The following QSER1 variants were observed in gnomAD, a reference collection of about 807,000 sequenced individuals.
The protein encoded by QSER1 is glutamine and serine rich 1.
QSER1 carries 49 observed loss-of-function variants against 158.5 expected under a neutral mutation model. The observed-to-expected ratio is 0.31, with a 90% CI of 0.25 to 0.39. The LOEUF (loss-of-function observed/expected upper bound fraction) is 0.39. Among genes scored for constraint, QSER1 ranks in the 10% least tolerant of loss-of-function variants. The pLI is 1.00. For synonymous variants in QSER1, 650 were observed against 715.5 expected, an observed-to-expected ratio of 0.91 and a Z score of 1.46; for missense variants, 1,754 against 2,010.3, an observed-to-expected ratio of 0.87 and a Z score of 2.44.
At chr11:32,962,141 C>T (rs1938027323) in intron 8 of QSER1, among the ~76,000 whole-genome samples, 1 of 152,206 alleles carries the variant, frequency 6.6e-6, no homozygotes, top group African/African-American at 2.4e-5. Context: ...CCTTTGCTAA[C>T]ACTTGTTATT....
intron 8 of QSER1, among the ~76,000 whole-genome samples, chr11:32,960,709 TTA>T (rs1852608347): frequency 6.6e-6 from 1 of 152,246 alleles, no homozygotes; most frequent in Non-Finnish European, 1.5e-5. Flanking sequence ...TTGCTCTCAA[TTA>T]TAGTTTCTTC....
At chr11:32,950,691 C>T (rs1040357387) in intron 4 of QSER1, among the ~76,000 whole-genome samples, 2 of 152,186 alleles carry the variant, frequency 1.3e-5, no homozygotes, top group African/African-American at 4.8e-5. Context: ...CATACCCACA[C>T]CCAGCTATAG....
chr11:32,929,475 G>A (rs1158682068), intron 3 of QSER1, among the ~76,000 whole-genome samples: 1 of 152,152 alleles, frequency 6.6e-6, no homozygotes, highest in Non-Finnish European at 1.5e-5. Context: ...TCCCAGGTTA[G>A]TAGGTAGAAG....
At chr11:32,901,913 G>A (rs552799967) in intron 1 of QSER1, among the ~76,000 whole-genome samples, 92 of 152,186 alleles carry the variant, frequency 6.0e-4, no homozygotes, top group African/African-American at 2.0e-3. Flanking sequence ...GTGAAACCCC[G>A]TCTCCACAAA....
rs1462343162 is a variant in QSER1, at chr11:32,932,936, T to C, written c.1678T>C (p.Ser560Pro). 1 of 1,613,730 alleles carries C rather than the reference T, an allele frequency of 6.2e-7. No individual in the cohort carries two copies. Among genetic ancestry groups the C allele is most frequent in the Non-Finnish European group, 8.5e-7 (1 of 1,179,974 alleles). Residue 560 changes from serine to proline, a missense_variant, in exon 4 of 13, where the codon TCT (serine) becomes CCT (proline). This residue lies in a region of QSER1 where 1,707 missense variants were observed against 1,919.6 expected (regional missense o/e 0.89). Coordinates refer to ENST00000650167, the MANE Select transcript of QSER1 (RefSeq NM_001076786.3). ...SQSQSYSSGH[S>P]QGLSPVSQTQ... ...GTCTCAAAGTTACTCATCTGGTCAC[T>C]CTCAGGGTTTATCACCAGTTAGCCA...
intron 1 of QSER1, among the ~76,000 whole-genome samples, chr11:32,914,536 T>C (rs1215269316): frequency 2.6e-5 from 4 of 152,242 alleles, no homozygotes; most frequent in Admixed American, 2.0e-4. Context: ...AAGTAACTTA[T>C]TACTTGTGTG....
At chr11:32,949,316 G>A (rs1852385756) in intron 4 of QSER1, among the ~76,000 whole-genome samples, 1 of 152,110 alleles carries the variant, frequency 6.6e-6, no homozygotes. Context: ...AGTATTTGTA[G>A]AAGTCAGTGA....
intron 4 of QSER1, among the ~76,000 whole-genome samples, chr11:32,945,477 A>G (rs1852314963): frequency 6.6e-6 from 1 of 151,642 alleles, no homozygotes; most frequent in South Asian, 2.1e-4. Context: ...AAAGTATTTT[A>G]TTTCTCCTTC....
Position 32,957,984 on chromosome 11 carries a change from G to A in QSER1, c.4867G>A (p.Ala1623Thr). 1.9e-6 allele frequency: 3 copies of A among 1,614,026 alleles called. No individual in the cohort carries two copies. Among genetic ancestry groups the A allele is most frequent in the Non-Finnish European group, 2.5e-6 (3 of 1,180,002 alleles). ...KPKVKQPKVK[A>T]EPPPKKRKKW... is the part of the protein sequence containing the mutation. The stretch of plus-strand genomic sequence containing the variant: ...CAAAGTTAAACAGCCAAAAGTAAAG[G>A]CTGAGCCACCACCAAAGAAACGGAA... The change falls in exon 8 of 13, where the codon GCT (alanine) becomes ACT (threonine). Residue 1623 changes from alanine (A) to threonine (T), a missense_variant. Physicochemically the swap from Ala to Thr is moderately conservative, Grantham distance 58. Coordinates refer to ENST00000650167, the MANE Select transcript of QSER1 (RefSeq NM_001076786.3).
intron 4 of QSER1, 22 bp from the exon 5 acceptor site, chr11:32,953,835 C>T: frequency 6.3e-7 from 1 of 1,583,534 alleles, no homozygotes; most frequent in Non-Finnish European, 8.6e-7. Flanking sequence ...TACTGATTTG[C>T]ATTTGCTTGG....
At chr11:32,910,513 C>T (rs982671107) in intron 1 of QSER1, among the ~76,000 whole-genome samples, 14 of 152,092 alleles carry the variant, frequency 9.2e-5, no homozygotes, top group African/African-American at 3.1e-4. Context: ...CACTTGTATG[C>T]GGTTTAATAC....
At position 32,934,763 on chromosome 11, in the gene QSER1, A is replaced by G. The variant is rs1564935621; in HGVS notation, c.3505A>G (p.Arg1169Gly). ...DDSGVSMNPA[R>G]SALALLAMAQ... ...CAGTGGTGTGTCAATGAACCCAGCT[A>G]GGAGTGCACTTGCACTGTTGGCCAT... is the stretch of plus-strand genomic sequence containing the variant. The change falls in exon 4 of 13, where the codon AGG becomes GGG. Residue 1169 changes from arginine to glycine, a missense_variant. Arg to Gly is a moderately radical substitution (Grantham distance 125). Transcript: ENST00000650167. The G allele has an allele frequency of 6.2e-7, 1 of 1,614,060 alleles. No homozygotes were observed. The highest frequency in any genetic ancestry group is 2.2e-5 in the East Asian group (1 of 44,890).
intron 4 of QSER1, among the ~76,000 whole-genome samples, chr11:32,943,124 A>C (rs1013730947): frequency 3.3e-5 from 5 of 151,982 alleles, no homozygotes; most frequent in African/African-American, 7.3e-5. Context: ...CAGCTTAAGG[A>C]GATTTTGGGC....
chr11:32,932,942 G>T lies in QSER1; in HGVS notation c.1684G>T (p.Gly562Cys). The change falls in exon 4 of 13, where the codon GGT becomes TGT. Residue 562 changes from glycine (G) to cysteine (C), a missense_variant. Around this residue, in one of 2 missense-constraint regions of QSER1, gnomAD observed 1,707 missense variants for 1,919.6 expected, o/e 0.89. Coordinates refer to ENST00000650167, the MANE Select transcript of QSER1 (RefSeq NM_001076786.3). ...SQSYSSGHSQGLSPVSQTQVS... is the reference protein window; with the variant it reads ...SQSYSSGHSQCLSPVSQTQVS... ...AAGTTACTCATCTGGTCACTCTCAG[G>T]GTTTATCACCAGTTAGCCAGACACA... 1 of 1,613,528 alleles carries T rather than the reference G, an allele frequency of 6.2e-7. No homozygotes were observed. The highest frequency in any genetic ancestry group is 2.2e-5 in the East Asian group (1 of 44,882).
rs755872610 is a variant in QSER1, at chr11:32,933,204, A to T, written c.1946A>T (p.Gln649Leu). Residue 649 changes from glutamine to leucine, a missense_variant, in exon 4 of 13, where the codon CAG (glutamine) becomes CTG (leucine). Transcript: ENST00000650167. ...TCCCAGAAGTTTTTGCCTGCTGTCC[A>T]GTCATCATCTTTTGCATCCTCTACT... ...PQSQKFLPAV[Q>L]SSSFASSTHC... 6.8e-6 allele frequency: 11 copies of T among 1,614,034 alleles called. No homozygotes were observed. The Admixed American group carries it at 1.8e-4, about 27-fold the overall frequency.
chr11:32,972,577 A>C (rs921795713), intron 10 of QSER1, among the ~76,000 whole-genome samples: 1 of 152,040 alleles, frequency 6.6e-6, no homozygotes, highest in Non-Finnish European at 1.5e-5. Flanking sequence ...TTGGGATTAC[A>C]GGTGTGCACC....
rs192911856 is a variant in QSER1 at position 32,927,845 on chromosome 11, G to T, written c.323-117G>T. ...TTACTATCAAAATAAAACCATCTGG[G>T]GTTGTAGAATGTTTTGGCCTTAATT... is the stretch of plus-strand genomic sequence containing the variant. On this transcript the variant is annotated intron_variant, in intron 2 of 12. Coordinates refer to ENST00000650167, the MANE Select transcript of QSER1 (RefSeq NM_001076786.3). The T allele has an allele frequency of 8.5e-4, 352 of 414,618 alleles. 2 individuals are homozygous for T. Among genetic ancestry groups the T allele is most frequent in the Non-Finnish European group, 7.4e-4 (174 of 235,628 alleles). 25.7% of individuals were successfully genotyped at this position (414,618 alleles called of 1,614,324 possible). A position where few individuals can be genotyped will look rare whatever the true frequency, so the allele number is the denominator to read the frequency against.
chr11:32,904,688 A>G (rs1208155591), intron 1 of QSER1, among the ~76,000 whole-genome samples: 13 of 134,012 alleles, frequency 9.7e-5, no homozygotes. Context: ...AAATGGTGTT[A>G]GGAATGCTCT....
In QSER1 at chr11:32,933,653, A is replaced by G; in HGVS notation, c.2395A>G (p.Arg799Gly). 1 of 1,613,594 alleles carries G rather than the reference A, an allele frequency of 6.2e-7. No individual in the cohort carries two copies. The highest frequency in any genetic ancestry group is 8.5e-7 in the Non-Finnish European group (1 of 1,179,822). Residue 799 changes from arginine (R) to glycine (G), a missense_variant, in exon 4 of 13, where the codon AGG becomes GGG. Arg to Gly is a moderately radical substitution (Grantham distance 125). Around this residue, in one of 2 missense-constraint regions of QSER1, gnomAD observed 1,707 missense variants for 1,919.6 expected, o/e 0.89. Coordinates refer to ENST00000650167, the MANE Select transcript of QSER1 (RefSeq NM_001076786.3). Reference protein sequence around the residue: ...STNLIQTPQIRLNTKDLKQQH... With the variant: ...STNLIQTPQIGLNTKDLKQQH... ...TAATTTAATACAGACTCCACAAATA[A>G]GGTTGAATACTAAAGACTTAAAGCA...
Sources: allele counts gnomAD v4.1 joint callset (sites outside exome capture counted in the v4.1 genomes callset), GRCh38; gene constraint gnomAD v4.1.1; regional missense constraint gnomAD v4.1.1; transcripts MANE v1.5; gene names NCBI Gene and HGNC (gene_info 2026-07-23, HGNC 2026-07-21).